Variants in RARB observed in about 807,000 individuals in gnomAD.
The protein encoded by RARB is retinoic acid receptor beta.
RARB carries 17 observed loss-of-function variants against 51.9 expected under a neutral mutation model. The ratio of observed to expected loss-of-function variants is 0.33; its 90% confidence interval spans 0.22 to 0.49. RARB has a LOEUF of 0.49. RARB is among the 20% of genes least tolerant of loss of function. The probability of loss-of-function intolerance (pLI) is 0.99; values close to 1 mark genes in which losing one functional copy is unlikely to be tolerated. For synonymous variants in RARB, 215 were observed against 195.4 expected, an observed-to-expected ratio of 1.10 and a Z score of -0.84; for missense variants, 369 against 550.8, an observed-to-expected ratio of 0.67 and a Z score of 3.30.
At chr3:25,269,674 C>T (rs966243771) in intron 5 of RARB, among the ~76,000 whole-genome samples, 10 of 152,098 alleles carry the variant, frequency 6.6e-5, no homozygotes, top group Non-Finnish European at 1.5e-4. Context: ...CAAATAGCAA[C>T]AATAATAGTA....
intron 5 of RARB, among the ~76,000 whole-genome samples, chr3:25,293,696 T>C (rs147110239): frequency 1.0e-3 from 154 of 150,528 alleles, no homozygotes; most frequent in Non-Finnish European, 1.8e-3. Context: ...AGTATCTCTA[T>C]CTTTGCTTTC....
chr3:25,435,558 A>G (rs1708399674), intron 1 of RARB, among the ~76,000 whole-genome samples: 1 of 152,212 alleles, frequency 6.6e-6, no homozygotes, highest in African/African-American at 2.4e-5. Flanking sequence ...ATTAACTAAA[A>G]TGGAAATGGA....
chr3:25,320,845 A>G (rs1399369784), intron 5 of RARB, among the ~76,000 whole-genome samples: 1 of 152,306 alleles, frequency 6.6e-6, no homozygotes, highest in East Asian at 1.9e-4. Context: ...CTTGCAGCGT[A>G]TAGTCAAACC....
intron 3 of RARB, among the ~76,000 whole-genome samples, chr3:25,098,831 AATGCCTAACAT>A (rs1331359499): frequency 1.3e-5 from 2 of 152,202 alleles, no homozygotes; most frequent in African/African-American, 4.8e-5. Flanking sequence ...ATCCAATGTT[AATGCCTAACAT>A]ATTATCTTCC....
At chr3:25,121,939 T>C (rs1699791038) in intron 3 of RARB, among the ~76,000 whole-genome samples, 1 of 152,146 alleles carries the variant, frequency 6.6e-6, no homozygotes, top group African/African-American at 2.4e-5. Flanking sequence ...TCCTTGTATA[T>C]CTTAGTTCAG....
intron 4 of RARB, among the ~76,000 whole-genome samples, chr3:25,137,502 G>A (rs1700048473): frequency 1.3e-5 from 2 of 151,964 alleles, no homozygotes; most frequent in Admixed American, 1.3e-4. Flanking sequence ...AGTGAAATTA[G>A]TTTGGTCAGA....
At chr3:25,187,299 A>C (rs983053784) in intron 5 of RARB, among the ~76,000 whole-genome samples, 1 of 152,062 alleles carries the variant, frequency 6.6e-6, no homozygotes, top group Non-Finnish European at 1.5e-5. Context: ...ATTTGTAAGA[A>C]TGCTATATAT....
chr3:25,540,276 C>T (rs73149390), intron 3 of RARB, among the ~76,000 whole-genome samples: 13,853 of 152,124 alleles, frequency 0.091, 841 homozygotes, highest in Admixed American at 0.15. Flanking sequence ...TAAGATATTT[C>T]GAGAAGAAAT....
chr3:25,575,511 C>G (rs548114566), intron 4 of RARB, among the ~76,000 whole-genome samples: 65 of 152,338 alleles, frequency 4.3e-4, no homozygotes, highest in African/African-American at 1.5e-3. Flanking sequence ...GCCACGCTGT[C>G]TCTGACAGCT....
At chr3:25,171,752 T>TAGAAAGACCATTTATAA (rs1700652237) in intron 4 of RARB, among the ~76,000 whole-genome samples, 1 of 151,320 alleles carries the variant, frequency 6.6e-6, no homozygotes, top group Admixed American at 6.6e-5. Flanking sequence ...CAAATGGAGA[T>TAGAAAGACCATTTATAA]AGAAAGACCA....
At chr3:24,967,051 GA>G (rs1696290811) in intron 2 of RARB, among the ~76,000 whole-genome samples, 1 of 152,102 alleles carries the variant, frequency 6.6e-6, no homozygotes, top group South Asian at 2.1e-4. Flanking sequence ...TTTATTTACT[GA>G]TTTGAATTAG....
At chr3:25,058,684 C>G (rs1269900732) in intron 2 of RARB, among the ~76,000 whole-genome samples, 1 of 151,530 alleles carries the variant, frequency 6.6e-6, no homozygotes, top group Non-Finnish European at 1.5e-5. Flanking sequence ...TTATTGTTCA[C>G]TATTACTAAT....
chr3:25,210,524 T>G (rs1701665960), intron 5 of RARB, among the ~76,000 whole-genome samples: 1 of 136,484 alleles, frequency 7.3e-6, no homozygotes, highest in Non-Finnish European at 1.6e-5. Flanking sequence ...AATCTTTATC[T>G]GATTCTTTTT....
chr3:25,576,723 C>A (rs1700951214), intron 4 of RARB, among the ~76,000 whole-genome samples: 1 of 152,196 alleles, frequency 6.6e-6, no homozygotes, highest in Non-Finnish European at 1.5e-5. Flanking sequence ...TTGCTCGAAG[C>A]CCTCTCTAGC....
chr3:25,244,940 A>G (rs1480763413), intron 5 of RARB, among the ~76,000 whole-genome samples: 2 of 152,158 alleles, frequency 1.3e-5, no homozygotes, highest in Non-Finnish European at 2.9e-5. Context: ...GTGGGAGTCA[A>G]AGTCTCTTTG....
intron 2 of RARB, among the ~76,000 whole-genome samples, chr3:25,471,645 T>C (rs35383007): frequency 0.017 from 2,524 of 151,812 alleles, 48 homozygotes; most frequent in South Asian, 0.1. Context: ...GTTTATTTAA[T>C]TTGGTGGTTT....
chr3:25,465,145 C>T lies in RARB; in HGVS notation c.306+3804C>T, dbSNP rs922672157. Among the ~76,000 whole-genome samples the T allele has an allele frequency of 2.0e-5, 3 of 152,190 alleles. No individual in the cohort carries two copies. In the South Asian group the frequency reaches 6.2e-4, roughly 32 times the overall value. ...TTCGAATCAGATTGCCAGAATACCC[C>T]GTAGAAAAGATTATTGTCTAGTAGT... is the stretch of plus-strand genomic sequence containing the variant. On this transcript the variant is annotated intron_variant, in intron 2 of 7. Transcript: ENST00000330688.
chr3:24,988,103 C>T (rs1219533552), intron 2 of RARB, among the ~76,000 whole-genome samples: 2 of 152,128 alleles, frequency 1.3e-5, no homozygotes, highest in African/African-American at 4.8e-5. Flanking sequence ...ATATAACACC[C>T]TTAACTAAGA....
At chr3:25,404,643 A>G (rs576245328) in intron 5 of RARB, among the ~76,000 whole-genome samples, 1 of 152,208 alleles carries the variant, frequency 6.6e-6, no homozygotes, top group South Asian at 2.1e-4. Context: ...TTAGGGACAG[A>G]TAGTGGAAGC....
Sources: gnomAD v4.1 joint callset for allele counts (sites outside exome capture counted in the v4.1 genomes callset) on GRCh38, gnomAD v4.1.1 for gene constraint, MANE v1.5 for transcripts, NCBI Gene and HGNC (gene_info 2026-07-23, HGNC 2026-07-21) for gene names.